GABRG3: variants seen among roughly 807,000 people sequenced by gnomAD.
The protein encoded by GABRG3 is gamma-aminobutyric acid type A receptor subunit gamma3.
A neutral mutation model predicts 48.8 loss-of-function variants in GABRG3; 25 were observed. The ratio of observed to expected loss-of-function variants is 0.51; its 90% confidence interval spans 0.37 to 0.72. The LOEUF (loss-of-function observed/expected upper bound fraction) is 0.72, where lower values mean the gene tolerates loss of function less well. Ranked by LOEUF, GABRG3 falls within the 30% of genes least tolerant of loss-of-function variation. GABRG3 has a pLI of 0.00. For missense variants in GABRG3, 394 were observed against 577.9 expected, an observed-to-expected ratio of 0.68 and a Z score of 3.26; for synonymous variants, 227 against 217.6, an observed-to-expected ratio of 1.04 and a Z score of -0.38.
At chr15:27,395,592 C>T (rs998913736) in intron 5 of GABRG3, among the ~76,000 whole-genome samples, 74 of 152,200 alleles carry the variant, frequency 4.9e-4, no homozygotes, top group African/African-American at 1.7e-3. Flanking sequence ...CATACTAATA[C>T]GGTCATCTGA....
intron 3 of GABRG3, among the ~76,000 whole-genome samples, chr15:27,198,231 A>G (rs974279675): frequency 6.6e-6 from 1 of 152,236 alleles, no homozygotes; most frequent in African/African-American, 2.4e-5. Flanking sequence ...AATGGGAGAA[A>G]ACTTTTGCAG....
At chr15:27,086,015 C>T (rs10519568) in intron 3 of GABRG3, among the ~76,000 whole-genome samples, 16,816 of 151,934 alleles carry the variant, frequency 0.11, 1,149 homozygotes, top group East Asian at 0.28. Flanking sequence ...CAGAGCTCAA[C>T]GTAAGAACTT....
At chr15:27,344,496 A>G (rs1454050035) in intron 5 of GABRG3, among the ~76,000 whole-genome samples, 2 of 152,232 alleles carry the variant, frequency 1.3e-5, no homozygotes, top group Non-Finnish European at 2.9e-5. Context: ...TATGGAAATC[A>G]GTATCTGAAA....
At chr15:27,105,973 C>T (rs967058195) in intron 3 of GABRG3, among the ~76,000 whole-genome samples, 2 of 151,994 alleles carry the variant, frequency 1.3e-5, no homozygotes, top group Non-Finnish European at 2.9e-5. Flanking sequence ...TGCCATTTGC[C>T]ACAACATGAA....
At chr15:27,036,859 T>C (rs7165687) in intron 3 of GABRG3, among the ~76,000 whole-genome samples, 101,158 of 151,656 alleles carry the variant, frequency 0.67, 33,769 homozygotes, top group East Asian at 0.73. Flanking sequence ...ACGTTGAGTC[T>C]CATCCTCCAG....
intron 3 of GABRG3, among the ~76,000 whole-genome samples, chr15:27,207,275 A>T (rs1595585597): frequency 6.6e-6 from 1 of 152,172 alleles, no homozygotes; most frequent in Admixed American, 6.5e-5. Context: ...TGGGGTTTTT[A>T]AATAGGCTGG....
chr15:27,250,018 G>A (rs1338532651), intron 3 of GABRG3, among the ~76,000 whole-genome samples: 1 of 152,058 alleles, frequency 6.6e-6, no homozygotes, highest in Admixed American at 6.5e-5. Context: ...AGGTGGGAGG[G>A]GAATGTCAGC....
At chr15:27,308,901 A>C (rs1260897854) in intron 3 of GABRG3, among the ~76,000 whole-genome samples, 1 of 150,448 alleles carries the variant, frequency 6.6e-6, no homozygotes, top group African/African-American at 2.4e-5. Flanking sequence ...GTTTATATGA[A>C]AACAGAATGT....
Position 27,220,969 on chromosome 15 carries a change from T to C in GABRG3, c.271-105840T>C, listed in dbSNP as rs566530999. Among the ~76,000 whole-genome samples, 15 of 152,068 alleles carry C rather than the reference T, an allele frequency of 9.9e-5. No individual in the cohort carries two copies. The East Asian group carries it at 2.9e-3, about 29-fold the overall frequency. On this transcript the variant is annotated intron_variant, in intron 3 of 9. Transcript: ENST00000615808. ...TGCAAAGCATTATTCAACCTTTCCATTGGATGAACCTGGAATTGCTTCTTT... is the reference window on the plus strand; with the variant it reads ...TGCAAAGCATTATTCAACCTTTCCACTGGATGAACCTGGAATTGCTTCTTT...
At chr15:27,528,596 A>G (rs1891340943) in intron 9 of GABRG3, among the ~76,000 whole-genome samples, 1 of 152,210 alleles carries the variant, frequency 6.6e-6, no homozygotes, top group African/African-American at 2.4e-5. Context: ...CACCAGCTCC[A>G]TCAGCAATGC....
intron 3 of GABRG3, among the ~76,000 whole-genome samples, chr15:27,138,681 G>A (rs891057506): frequency 2.0e-5 from 3 of 152,074 alleles, no homozygotes; most frequent in East Asian, 1.9e-4. Context: ...CCAGGCTTTC[G>A]TCATCTTTTG....
intron 2 of GABRG3, among the ~76,000 whole-genome samples, chr15:27,022,342 TAGA>T (rs1333600279): frequency 1.3e-5 from 2 of 152,176 alleles, no homozygotes; most frequent in Non-Finnish European, 2.9e-5. Flanking sequence ...AACCCCATTT[TAGA>T]AGGACACAAC....
intron 3 of GABRG3, among the ~76,000 whole-genome samples, chr15:27,058,867 G>A (rs891331408): frequency 1.3e-5 from 2 of 152,098 alleles, no homozygotes; most frequent in Non-Finnish European, 1.5e-5. Context: ...TGTTGCTATA[G>A]TACATATTTC....
At chr15:27,223,219 A>C (rs765551764) in intron 3 of GABRG3, among the ~76,000 whole-genome samples, 1 of 152,230 alleles carries the variant, frequency 6.6e-6, no homozygotes, top group Non-Finnish European at 1.5e-5. Flanking sequence ...TTGTGTCAAA[A>C]TCTGAGAGCA....
chr15:26,990,166 G>A (rs1270387135), intron 2 of GABRG3, among the ~76,000 whole-genome samples: 1 of 152,102 alleles, frequency 6.6e-6, no homozygotes, highest in Non-Finnish European at 1.5e-5. Flanking sequence ...GGATCATATG[G>A]CAGCTTTGTT....
intron 5 of GABRG3, among the ~76,000 whole-genome samples, chr15:27,426,774 T>A (rs1288681716): frequency 1.3e-5 from 2 of 152,182 alleles, no homozygotes; most frequent in Admixed American, 1.3e-4. Flanking sequence ...TAGTGAGGTA[T>A]GATGCTGCCC....
At chr15:27,003,392 T>G (rs1324236947) in intron 2 of GABRG3, among the ~76,000 whole-genome samples, 4 of 151,598 alleles carry the variant, frequency 2.6e-5, no homozygotes, top group African/African-American at 4.8e-5. Flanking sequence ...TTTGTGTCCC[T>G]GGGTACTTGA....
intron 5 of GABRG3, among the ~76,000 whole-genome samples, chr15:27,371,019 G>A (rs1895394475): frequency 6.6e-6 from 1 of 152,158 alleles, no homozygotes; most frequent in Non-Finnish European, 1.5e-5. Flanking sequence ...TGTATCCACT[G>A]TTGAATTTCG....
At chr15:27,064,417 G>T (rs983498301) in intron 3 of GABRG3, among the ~76,000 whole-genome samples, 1 of 152,094 alleles carries the variant, frequency 6.6e-6, no homozygotes. Flanking sequence ...CCTTCTCTTC[G>T]TCCATGAATC....
Sources: allele counts gnomAD v4.1 joint callset (sites outside exome capture counted in the v4.1 genomes callset), GRCh38; gene constraint gnomAD v4.1.1; transcripts MANE v1.5; gene names NCBI Gene and HGNC (gene_info 2026-07-23, HGNC 2026-07-21).